The following AKAP12 variants were observed in gnomAD, a reference collection of about 807,000 sequenced individuals.
AKAP12 encodes A-kinase anchor protein 12.
In AKAP12, 32 loss-of-function variants were observed where a neutral mutation model predicts 79.9. The ratio of observed to expected loss-of-function variants is 0.40; its 90% CI spans 0.30 to 0.54. AKAP12 has a LOEUF of 0.54. Among genes scored for constraint, AKAP12 ranks in the 20% least tolerant of loss-of-function variants. The pLI, the probability that AKAP12 is intolerant of heterozygous loss-of-function variation, is 0.48. For missense variants in AKAP12, 2,074 were observed against 2,177.0 expected, an observed-to-expected ratio of 0.95 and a Z score of 0.94; for synonymous variants, 808 against 857.0, an observed-to-expected ratio of 0.94 and a Z score of 1.00.
chr6:151,277,643 T>C (rs1776311416), intron 2 of AKAP12, among the ~76,000 whole-genome samples: 1 of 152,236 alleles, frequency 6.6e-6, no homozygotes, highest in African/African-American at 2.4e-5. Flanking sequence ...GACTCTTGCC[T>C]CCTATTTTGT....
chr6:151,325,698 A>G, intron 3 of AKAP12: 3 of 1,457,128 alleles, frequency 2.1e-6, no homozygotes, highest in Non-Finnish European at 2.7e-6. Context: ...GGCAGCTCCG[A>G]GGGCACCTCC....
chr6:151,277,730 C>T (rs1395258389), intron 2 of AKAP12, among the ~76,000 whole-genome samples: 1 of 152,014 alleles, frequency 6.6e-6, no homozygotes, highest in African/African-American at 2.4e-5. Context: ...TGTTCTTCAA[C>T]AAATATAAAA....
intron 4 of AKAP12, among the ~76,000 whole-genome samples, chr6:151,354,254 T>C (rs143600304): frequency 0.021 from 3,235 of 152,332 alleles, 46 homozygotes; most frequent in Middle Eastern, 0.054. Context: ...ATGGATTTTT[T>C]TTCCCCTAGC....
chr6:151,341,328 A>G (rs1777939805), intron 3 of AKAP12, among the ~76,000 whole-genome samples: 1 of 152,182 alleles, frequency 6.6e-6, no homozygotes, highest in South Asian at 2.1e-4. Flanking sequence ...TGCTGGGATT[A>G]CAGGCGTGAG....
At chr6:151,307,519 G>A (rs940061880) in intron 3 of AKAP12, among the ~76,000 whole-genome samples, 8 of 152,208 alleles carry the variant, frequency 5.3e-5, no homozygotes, top group Non-Finnish European at 8.8e-5. Flanking sequence ...CACCAAAGGG[G>A]TGCCGGAGGC....
chr6:151,302,566 T>C (rs1274049701), intron 2 of AKAP12, among the ~76,000 whole-genome samples: 2 of 151,786 alleles, frequency 1.3e-5, no homozygotes, highest in Non-Finnish European at 3.0e-5. Context: ...GATTGGGCAA[T>C]TCACAGAGGA....
intron 3 of AKAP12, among the ~76,000 whole-genome samples, chr6:151,331,364 T>C (rs1267249494): frequency 2.0e-5 from 3 of 152,224 alleles, no homozygotes; most frequent in Non-Finnish European, 4.4e-5. Context: ...GAGAATAGTT[T>C]ATACTCTTAA....
At chr6:151,306,345 T>G (rs947589313) in intron 3 of AKAP12, among the ~76,000 whole-genome samples, 2 of 152,152 alleles carry the variant, frequency 1.3e-5, no homozygotes, top group Non-Finnish European at 2.9e-5. Flanking sequence ...AGCCTAGAGA[T>G]CTTCGAGGAA....
chr6:151,332,729 A>G (rs1777707189), intron 3 of AKAP12, among the ~76,000 whole-genome samples: 1 of 152,200 alleles, frequency 6.6e-6, no homozygotes, highest in Non-Finnish European at 1.5e-5. Context: ...CTAGCAGGAC[A>G]GTACGAAGAC....
chr6:151,267,898 C>T (rs1307250204), intron 2 of AKAP12, among the ~76,000 whole-genome samples: 1 of 152,170 alleles, frequency 6.6e-6, no homozygotes, highest in African/African-American at 2.4e-5. Context: ...CATCGTTCCT[C>T]AGGCACCCAA....
Position 151,351,209 on chromosome 6 carries a change from G to C in AKAP12, c.2818G>C (p.Glu940Gln), listed in dbSNP as rs1464078306. The change falls in exon 4 of 5, where the codon GAA becomes CAA. Residue 940 changes from glutamate to glutamine, a missense_variant. This residue lies in a region of AKAP12 where 1,428 missense variants were observed against 1,451.0 expected (regional missense o/e 0.98). Transcript: ENST00000402676. This position sits in a 1 kb window ranked among gnomAD's most constrained non-coding sequence, Gnocchi z 4.4. ...ALLTEEVLER[E>Q]VIAEEEPPTV... ...GTTAACTGAGGAGGTATTGGAAAGAGAAGTAATTGCAGAAGAAGAACCCCC... is the reference window on the plus strand; with the variant it reads ...GTTAACTGAGGAGGTATTGGAAAGACAAGTAATTGCAGAAGAAGAACCCCC... 1 of 1,614,218 alleles carries C rather than the reference G, an allele frequency of 6.2e-7. No individual in the cohort carries two copies. Among genetic ancestry groups the C allele is most frequent in the Non-Finnish European group, 8.5e-7 (1 of 1,180,048 alleles).
chr6:151,351,474 GCGTACCTGA>G lies in AKAP12; in HGVS notation c.3085_3093del (p.Val1029_Asp1031del). ...ACTCCGGTGCAGGAGGTGGAAGGTG[GCGTACCTGA>G]CATAGAAGAGCAAGAGAGGCGGACT... On this transcript the variant is annotated inframe_deletion, in exon 4 of 5. Coordinates refer to ENST00000402676, the MANE Select transcript of AKAP12 (RefSeq NM_005100.4). This position sits in a 1 kb window ranked among gnomAD's most constrained non-coding sequence, Gnocchi z 4.4. 1 of 1,614,178 alleles carries G rather than the reference GCGTACCTGA, an allele frequency of 6.2e-7. No individual in the cohort carries two copies. Among genetic ancestry groups the G allele is most frequent in the Non-Finnish European group, 8.5e-7 (1 of 1,180,034 alleles).
chr6:151,259,914 T>TC (rs397789822), intron 2 of AKAP12, among the ~76,000 whole-genome samples: 1 of 151,412 alleles, frequency 6.6e-6, no homozygotes, highest in Non-Finnish European at 1.5e-5. Context: ...TTTTTTTTTT[T>TC]CCTTGCACAA....
chr6:151,321,150 C>T (rs996927512), intron 3 of AKAP12, among the ~76,000 whole-genome samples: 2 of 152,044 alleles, frequency 1.3e-5, no homozygotes, highest in Non-Finnish European at 2.9e-5. Context: ...CAATGTCTGG[C>T]TAAATTTTGT....
At chr6:151,311,519 C>T (rs990593387) in intron 3 of AKAP12, among the ~76,000 whole-genome samples, 1 of 152,136 alleles carries the variant, frequency 6.6e-6, no homozygotes, top group Non-Finnish European at 1.5e-5. Flanking sequence ...ACACCCCCCA[C>T]CCCCGGGGAA....
intron 3 of AKAP12, among the ~76,000 whole-genome samples, chr6:151,317,793 C>G (rs1777268695): frequency 6.6e-6 from 1 of 152,172 alleles, no homozygotes; most frequent in African/African-American, 2.4e-5. Flanking sequence ...CTGGAATGAT[C>G]AGTCACCCTT....
chr6:151,245,437 A>G (rs1327607864), intron 2 of AKAP12, among the ~76,000 whole-genome samples: 1 of 151,930 alleles, frequency 6.6e-6, no homozygotes, highest in African/African-American at 2.4e-5. Context: ...CTGGGATTAC[A>G]GGCACCCACC....
chr6:151,281,990 G>C (rs1023323529), intron 2 of AKAP12, among the ~76,000 whole-genome samples: 3 of 152,034 alleles, frequency 2.0e-5, no homozygotes, highest in Non-Finnish European at 4.4e-5. Context: ...GACCCACCAA[G>C]TGCAGTCTGG....
intron 3 of AKAP12, among the ~76,000 whole-genome samples, chr6:151,334,213 G>A (rs1777752770): frequency 6.6e-6 from 1 of 152,198 alleles, no homozygotes; most frequent in African/African-American, 2.4e-5. Flanking sequence ...ACTATTATGT[G>A]CTCCTTTTCT....
Sources: gnomAD v4.1 joint callset for allele counts (sites outside exome capture counted in the v4.1 genomes callset) on GRCh38, gnomAD v4.1.1 for gene constraint, gnomAD v4.1.1 regional missense constraint, Gnocchi (gnomAD v3.1) non-coding constraint, MANE v1.5 for transcripts, NCBI Gene and HGNC (gene_info 2026-07-23, HGNC 2026-07-21) for gene names.